ADCY8: variants seen among roughly 807,000 people sequenced by gnomAD.
ADCY8 encodes the protein adenylate cyclase 8.
In ADCY8, 51 loss-of-function variants were observed where a neutral mutation model predicts 119.7. The ratio of observed to expected loss-of-function variants is 0.43; its 90% confidence interval spans 0.34 to 0.54. ADCY8 has a LOEUF of 0.54. Ranked by LOEUF, ADCY8 falls within the 20% of genes least tolerant of loss-of-function variation. ADCY8 has a pLI of 0.03. For missense variants in ADCY8, 1,383 were observed against 1,598.8 expected (o/e 0.87, Z 2.30); for synonymous variants, 665 against 651.0 (o/e 1.02, Z -0.33).
chr8:130,846,540 CTTCCTTCATTCCTTCA>C (rs1233082979), intron 11 of ADCY8, among the ~76,000 whole-genome samples: 2 of 127,582 alleles, frequency 1.6e-5, no homozygotes, highest in African/African-American at 6.7e-5. Context: ...CCCTTCCTTC[CTTCCTTCATTCCTTCA>C]TTCCTTCCTT....
At chr8:130,847,841 G>T (rs1817381166) in intron 10 of ADCY8, among the ~76,000 whole-genome samples, 1 of 152,192 alleles carries the variant, frequency 6.6e-6, no homozygotes, top group Non-Finnish European at 1.5e-5. Context: ...CAGATGGCAG[G>T]AGAAGAGGTC....
At chr8:130,959,325 T>C (rs1284248422) in intron 2 of ADCY8, among the ~76,000 whole-genome samples, 1 of 152,218 alleles carries the variant, frequency 6.6e-6, no homozygotes, top group Non-Finnish European at 1.5e-5. Context: ...TTTTCTCGGT[T>C]ACAGGAAAAA....
intron 2 of ADCY8, among the ~76,000 whole-genome samples, chr8:130,982,540 A>C (rs888794340): frequency 6.6e-6 from 1 of 152,228 alleles, no homozygotes; most frequent in Non-Finnish European, 1.5e-5. Context: ...AGGAATTATC[A>C]TTTCTAATTG....
chr8:131,010,175 T>C (rs1275278382), intron 1 of ADCY8, among the ~76,000 whole-genome samples: 1 of 152,188 alleles, frequency 6.6e-6, no homozygotes, highest in Non-Finnish European at 1.5e-5. Flanking sequence ...AACCTCACAA[T>C]ATATGGACTT....
intron 1 of ADCY8, 28 bp from the exon 2 acceptor site, chr8:130,990,570 C>T (rs780127273): frequency 1.3e-6 from 2 of 1,596,366 alleles, no homozygotes; most frequent in Admixed American, 3.5e-5. Flanking sequence ...TGGTCAGGCG[C>T]TTAAAACAAA....
intron 9 of ADCY8, among the ~76,000 whole-genome samples, chr8:130,860,975 T>C (rs1188857798): frequency 6.6e-6 from 1 of 152,216 alleles, no homozygotes; most frequent in Non-Finnish European, 1.5e-5. Flanking sequence ...ATATCCTTTC[T>C]CCATGGAATT....
chr8:130,919,167 G>A (rs1277277454), intron 5 of ADCY8, among the ~76,000 whole-genome samples: 1 of 152,200 alleles, frequency 6.6e-6, no homozygotes, highest in East Asian at 1.9e-4. Flanking sequence ...AACTGGGAGA[G>A]TCATTTAACC....
At chr8:130,880,970 C>T (rs949892569) in intron 8 of ADCY8, among the ~76,000 whole-genome samples, 24 of 152,156 alleles carry the variant, frequency 1.6e-4, no homozygotes, top group African/African-American at 5.3e-4. Context: ...AAGATATGTT[C>T]GCTAAGCTAC....
rs768944211 is a variant in ADCY8, at chr8:131,033,334, G to C, written c.960+6040C>G. On this transcript the variant is annotated intron_variant, in intron 1 of 17. Transcript: ENST00000286355. ...AATGTTGCTAGCAGCACTGAATATG[G>C]AATAAACTCTTTTTAAAAATATTTC... Among the ~76,000 whole-genome samples the C allele has an allele frequency of 2.0e-5, 3 of 152,098 alleles. No homozygotes were observed. The East Asian group carries it at 5.8e-4, about 29-fold the overall frequency.
intron 1 of ADCY8, among the ~76,000 whole-genome samples, chr8:131,015,704 T>G (rs901608071): frequency 6.6e-6 from 1 of 152,106 alleles, no homozygotes; most frequent in Non-Finnish European, 1.5e-5. Context: ...TTTAAAAAAA[T>G]TATCTTATTT....
intron 1 of ADCY8, among the ~76,000 whole-genome samples, chr8:131,016,095 A>C (rs1447046348): frequency 6.6e-6 from 1 of 152,198 alleles, no homozygotes; most frequent in Non-Finnish European, 1.5e-5. Flanking sequence ...CTTTGCTAGC[A>C]GGAGCAAATA....
chr8:130,959,802 G>A (rs138569980), intron 2 of ADCY8, among the ~76,000 whole-genome samples: 2 of 152,334 alleles, frequency 1.3e-5, no homozygotes, highest in East Asian at 3.9e-4. Flanking sequence ...CAGCATGTTT[G>A]AGAAACCAAA....
intron 1 of ADCY8, among the ~76,000 whole-genome samples, chr8:131,028,442 T>C (rs1823889070): frequency 6.6e-6 from 1 of 151,986 alleles, no homozygotes; most frequent in African/African-American, 2.4e-5. Context: ...ACTACCCGCC[T>C]CCAATAGGCT....
intron 5 of ADCY8, among the ~76,000 whole-genome samples, chr8:130,929,846 T>C (rs1820581766): frequency 6.6e-6 from 1 of 152,244 alleles, no homozygotes; most frequent in African/African-American, 2.4e-5. Flanking sequence ...TTTACAATGT[T>C]ATATCCACTT....
At chr8:130,853,486 C>T (rs1303366207) in intron 9 of ADCY8, among the ~76,000 whole-genome samples, 1 of 152,062 alleles carries the variant, frequency 6.6e-6, no homozygotes, top group African/African-American at 2.4e-5. Flanking sequence ...GCCATGTGGT[C>T]TCTTGACTTA....
intron 1 of ADCY8, among the ~76,000 whole-genome samples, chr8:131,003,564 T>G (rs544614984): frequency 2.0e-5 from 3 of 152,292 alleles, no homozygotes; most frequent in Admixed American, 6.5e-5. Flanking sequence ...GTTTACACAC[T>G]CCAGCTGTTT....
chr8:130,788,777 A>C (rs1452671039), intron 15 of ADCY8, among the ~76,000 whole-genome samples: 1 of 152,140 alleles, frequency 6.6e-6, no homozygotes, highest in Non-Finnish European at 1.5e-5. Context: ...AATTAAAATA[A>C]AACTTTAAGA....
At chr8:130,934,124 A>G (rs1458412680) in intron 5 of ADCY8, among the ~76,000 whole-genome samples, 1 of 152,236 alleles carries the variant, frequency 6.6e-6, no homozygotes, top group Non-Finnish European at 1.5e-5. Flanking sequence ...TGATTGACAG[A>G]ATAAGGCTCA....
chr8:130,821,839 A>G (rs1409124732), intron 12 of ADCY8, among the ~76,000 whole-genome samples: 1 of 152,228 alleles, frequency 6.6e-6, no homozygotes, highest in African/African-American at 2.4e-5. Flanking sequence ...AGGATTGGAC[A>G]GGGACTTAGA....
Sources: allele counts gnomAD v4.1 joint callset (sites outside exome capture counted in the v4.1 genomes callset), GRCh38; gene constraint gnomAD v4.1.1; transcripts MANE v1.5; gene names NCBI Gene and HGNC (gene_info 2026-07-23, HGNC 2026-07-21).